NRDC: variants seen among roughly 807,000 people sequenced by gnomAD.
NRDC encodes nardilysin.
A neutral mutation model predicts 147.1 loss-of-function variants in NRDC; 54 were observed. The observed-to-expected ratio is 0.37, with a 90% confidence interval of 0.29 to 0.46. NRDC has a LOEUF of 0.46. NRDC is among the 20% of genes least tolerant of loss of function. The pLI is 1.00. For missense variants in NRDC, 1,082 were observed against 1,370.6 expected, an observed-to-expected ratio of 0.79 and a Z score of 3.33; for synonymous variants, 440 against 482.1, an observed-to-expected ratio of 0.91 and a Z score of 1.14.
chr1:51,791,561 TTCAC>T lies in NRDC; in HGVS notation c.2960+13_2960+16del, dbSNP rs758002090. On this transcript the variant is annotated intron_variant, in intron 27 of 30. Coordinates refer to ENST00000352171, the MANE Select transcript of NRDC (RefSeq NM_001101662.2). ...GTCCATAATAGGTTACACTCATCTA[TTCAC>T]TCACTCACTCACTTGTATTTGGTTG... 5.0e-5 allele frequency: 80 copies of T among 1,587,142 alleles called. No homozygotes were observed. The highest frequency in any genetic ancestry group is 5.7e-5 in the Non-Finnish European group (66 of 1,155,592).
intron 1 of NRDC, among the ~76,000 whole-genome samples, chr1:51,864,017 C>T (rs1162777035): frequency 2.0e-5 from 3 of 152,158 alleles, no homozygotes; most frequent in Non-Finnish European, 4.4e-5. Flanking sequence ...TCATCCAACA[C>T]AAAGTCTATT....
chr1:51,857,490 T>G (rs1682309922), intron 1 of NRDC, among the ~76,000 whole-genome samples: 1 of 152,200 alleles, frequency 6.6e-6, no homozygotes, highest in African/African-American at 2.4e-5. Flanking sequence ...TTTCAACAGA[T>G]GTCATGCCCA....
Position 51,816,165 on chromosome 1 carries a change from T to G in NRDC, c.1439+147A>C, listed in dbSNP as rs983808794. ...ATATAATATGGCCATTAAAATAATG[T>G]AAGTTATTAAAATAACTATAATTAA... On this transcript the variant is annotated intron_variant, in intron 11 of 30. Transcript: ENST00000352171. The G allele has an allele frequency of 7.0e-5, 28 of 400,974 alleles. No homozygotes were observed. The Middle Eastern group carries it at 3.4e-3, about 48-fold the overall frequency. 24.8% of individuals were successfully genotyped at this position (400,974 alleles called of 1,614,324 possible).
intron 6 of NRDC, among the ~76,000 whole-genome samples, chr1:51,824,696 C>T (rs1680367999): frequency 6.6e-6 from 1 of 152,170 alleles, no homozygotes; most frequent in Admixed American, 6.5e-5. Flanking sequence ...GAAACTATTG[C>T]TAACTCTGTT....
At chr1:51,797,803 C>T (rs1436624624) in intron 22 of NRDC, among the ~76,000 whole-genome samples, 1 of 152,174 alleles carries the variant, frequency 6.6e-6, no homozygotes, top group Non-Finnish European at 1.5e-5. Context: ...CAGGGTCTTA[C>T]TCTGTTGCCC....
intron 3 of NRDC, among the ~76,000 whole-genome samples, chr1:51,834,959 A>G (rs1321146769): frequency 6.6e-6 from 1 of 152,174 alleles, no homozygotes; most frequent in Admixed American, 6.5e-5. Context: ...ACCCTCAAAT[A>G]CTTTAGAAAA....
intron 1 of NRDC, among the ~76,000 whole-genome samples, chr1:51,876,522 C>A (rs973294506): frequency 3.3e-5 from 5 of 152,070 alleles, no homozygotes; most frequent in South Asian, 2.1e-4. Flanking sequence ...AGCAAAGGTG[C>A]CAAGTGTGGA....
Position 51,821,547 on chromosome 1 carries a change from C to T in NRDC, c.1168G>A (p.Asp390Asn), listed in dbSNP as rs994578423. 1 of 1,607,394 alleles carries T rather than the reference C, an allele frequency of 6.2e-7. No homozygotes were observed. Reference sequence around the variant, plus strand: ...TCAGTCACCCACTTTTCCAAAGTATCCAGTGTTTCTTGAGAGGGGAGGGCA... The same window carrying T: ...TCAGTCACCCACTTTTCCAAAGTATTCAGTGTTTCTTGAGAGGGGAGGGCA... ...TLVVQSKETL[D>N]TLEKWVTEIF... The change falls in exon 8 of 31, where the codon GAT becomes AAT. Residue 390 changes from aspartate (D) to asparagine (N), a missense_variant. By Grantham distance (23) the Asp-to-Asn change is conservative. This residue lies in a region of NRDC where 635 missense variants were observed against 923.8 expected (regional missense o/e 0.69). Transcript: ENST00000352171.
intron 16 of NRDC, 114 bp from the exon 17 acceptor site, chr1:51,809,515 T>A: frequency 2.6e-6 from 2 of 779,940 alleles, no homozygotes; most frequent in South Asian, 2.9e-5. Context: ...TCAGGAATAC[T>A]GTGACTGACA....
rs1355684219 is a variant in NRDC at position 51,794,372 on chromosome 1, A to G, written c.2775+100T>C. The G allele has an allele frequency of 1.9e-5, 23 of 1,198,592 alleles. No individual in the cohort carries two copies. In the Admixed American group the frequency reaches 2.8e-4, roughly 15 times the overall value. 74.2% of individuals were successfully genotyped at this position (1,198,592 alleles called of 1,614,324 possible). ...TTCAAGAGGACAAATGGCCCCAAGCATGAAACTACAGAAGTAACTATAAAA... is the reference window on the plus strand; with the variant it reads ...TTCAAGAGGACAAATGGCCCCAAGCGTGAAACTACAGAAGTAACTATAAAA... On this transcript the variant is annotated intron_variant, in intron 24 of 30. Coordinates refer to ENST00000352171, the MANE Select transcript of NRDC (RefSeq NM_001101662.2).
At chr1:51,825,965 T>C (rs776485252) in intron 5 of NRDC, among the ~76,000 whole-genome samples, 1 of 152,236 alleles carries the variant, frequency 6.6e-6, no homozygotes, top group Non-Finnish European at 1.5e-5. Flanking sequence ...ATGAATGGAT[T>C]AGTCCCTTGT....
intron 4 of NRDC, among the ~76,000 whole-genome samples, chr1:51,833,735 A>T (rs1381427020): frequency 1.3e-5 from 2 of 152,058 alleles, no homozygotes; most frequent in Non-Finnish European, 2.9e-5. Flanking sequence ...CAGCCTCCTG[A>T]GTGCCAAGGA....
chr1:51,803,492 A>G (rs1227986839), intron 20 of NRDC, among the ~76,000 whole-genome samples: 2 of 134,790 alleles, frequency 1.5e-5, no homozygotes, highest in South Asian at 2.4e-4. Context: ...AAAAAAAAAA[A>G]GGTTATTCCT....
chr1:51,789,593 G>T lies in NRDC; in HGVS notation c.3233C>A (p.Pro1078Gln). 1 of 1,613,710 alleles carries T rather than the reference G, an allele frequency of 6.2e-7. No homozygotes were observed. Among genetic ancestry groups the T allele is most frequent in the East Asian group, 2.2e-5 (1 of 44,884 alleles). The change falls in exon 30 of 31, where the codon CCA becomes CAA. Residue 1078 changes from proline (P) to glutamine (Q), a missense_variant. Transcript: ENST00000352171. ...LVNWFKAHRG[P>Q]GSKMLSVHVV... ...ATGAACGCTGAGCATTTTACTTCCT[G>T]GCCCTCTATGGGCCTTGAACCAGTT... is the stretch of plus-strand genomic sequence containing the variant.
intron 10 of NRDC, among the ~76,000 whole-genome samples, chr1:51,816,911 C>T (rs762531280): frequency 3.9e-5 from 6 of 152,170 alleles, no homozygotes; most frequent in Non-Finnish European, 8.8e-5. Context: ...TGCCCAACTA[C>T]TTACTCACAG....
chr1:51,859,418 T>C (rs1402749923), intron 1 of NRDC, among the ~76,000 whole-genome samples: 1 of 152,244 alleles, frequency 6.6e-6, no homozygotes, highest in Non-Finnish European at 1.5e-5. Context: ...TCTGGATGTA[T>C]GCCCACAGTG....
chr1:51,830,915 C>G (rs929319277), intron 4 of NRDC, among the ~76,000 whole-genome samples: 2 of 152,136 alleles, frequency 1.3e-5, no homozygotes, highest in African/African-American at 4.8e-5. Flanking sequence ...AAAACAGGTA[C>G]TTAATCCATG....
At chr1:51,836,275 T>C (rs1251035461) in intron 2 of NRDC, 63 bp from the exon 3 acceptor site, 2 of 1,586,252 alleles carry the variant, frequency 1.3e-6, no homozygotes, top group African/African-American at 2.7e-5. Flanking sequence ...ATTCGCATCT[T>C]ATCTTAAGGA....
chr1:51,850,164 G>A (rs1010593379), intron 1 of NRDC, among the ~76,000 whole-genome samples: 12 of 151,722 alleles, frequency 7.9e-5, no homozygotes, highest in African/African-American at 2.9e-4. Flanking sequence ...GCAACAGAGC[G>A]AGACTCTATC....
Sources: gnomAD v4.1 joint callset for allele counts (sites outside exome capture counted in the v4.1 genomes callset) on GRCh38, gnomAD v4.1.1 for gene constraint, gnomAD v4.1.1 regional missense constraint, MANE v1.5 for transcripts, NCBI Gene and HGNC (gene_info 2026-07-23, HGNC 2026-07-21) for gene names.